The following ZMYND11 variants were observed in gnomAD, a reference collection of about 807,000 sequenced individuals.
ZMYND11 encodes zinc finger MYND-type containing 11.
ZMYND11 carries 9 observed loss-of-function variants against 84.9 expected under a neutral mutation model. That is an observed-to-expected ratio of 0.11 (90% confidence interval 0.06 to 0.18). The LOEUF (loss-of-function observed/expected upper bound fraction) is 0.18. Among genes scored for constraint, ZMYND11 ranks in the 10% least tolerant of loss-of-function variants. ZMYND11 has a pLI of 1.00. For synonymous variants in ZMYND11, 250 were observed against 244.1 expected (o/e 1.02, Z -0.23); for missense variants, 409 against 761.0 (o/e 0.54, Z 5.44).
At chr10:137,584 TATC>T (rs1306841183) in intron 1 of ZMYND11, among the ~76,000 whole-genome samples, 1 of 152,208 alleles carries the variant, frequency 6.6e-6, no homozygotes, top group Non-Finnish European at 1.5e-5. Context: ...GGTTGGATGT[TATC>T]AGGGAGATAG....
intron 10 of ZMYND11, among the ~76,000 whole-genome samples, chr10:245,022 T>C (rs2131880720): frequency 6.6e-6 from 1 of 152,342 alleles, no homozygotes. Flanking sequence ...GAATTCCTAC[T>C]ACATAATAGG....
intron 3 of ZMYND11, among the ~76,000 whole-genome samples, chr10:217,690 C>G (rs1946423635): frequency 6.6e-6 from 1 of 152,104 alleles, no homozygotes; most frequent in South Asian, 2.1e-4. Flanking sequence ...TGGGTGCTCA[C>G]ATTGTGCCAG....
At chr10:165,516 T>C (rs1843796010) in intron 1 of ZMYND11, among the ~76,000 whole-genome samples, 1 of 152,158 alleles carries the variant, frequency 6.6e-6, no homozygotes, top group Admixed American at 6.6e-5. Flanking sequence ...GAACTTAGTC[T>C]GTCTGAAACC....
At chr10:192,740 C>T (rs1940777217) in intron 2 of ZMYND11, among the ~76,000 whole-genome samples, 1 of 152,160 alleles carries the variant, frequency 6.6e-6, no homozygotes, top group Non-Finnish European at 1.5e-5. Flanking sequence ...TGTTCAGTTG[C>T]CCACATTTTG....
At chr10:221,495 T>TA in intron 4 of ZMYND11, 139 bp downstream of exon 4, 1 of 791,736 alleles carries the variant, frequency 1.3e-6, no homozygotes, top group Non-Finnish European at 2.0e-6. Context: ...GAAATGATGA[T>TA]ACTCATAAAT....
chr10:186,111 A>G (rs1362758537), intron 2 of ZMYND11, among the ~76,000 whole-genome samples: 2 of 150,492 alleles, frequency 1.3e-5, no homozygotes, highest in South Asian at 4.2e-4. Flanking sequence ...CCGGGTTCAC[A>G]CCATTCTCCT....
intron 4 of ZMYND11, among the ~76,000 whole-genome samples, chr10:221,800 C>T (rs1004352203): frequency 6.6e-6 from 1 of 151,806 alleles, no homozygotes; most frequent in African/African-American, 2.4e-5. Context: ...TTATTTTTGT[C>T]ATATCATGAG....
At position 158,357 on chromosome 10, in the gene ZMYND11, C is replaced by T. The variant is rs369228256; in HGVS notation, c.-19-21637C>T. Among the ~76,000 whole-genome samples, 35 of 151,940 alleles carry T rather than the reference C, an allele frequency of 2.3e-4. No homozygotes were observed. In the South Asian group the frequency reaches 3.1e-3, roughly 14 times the overall value. On this transcript the variant is annotated intron_variant, in intron 1 of 14. Transcript: ENST00000381604. ...TACCACCAGCAATGTATGAAAACACCGGTTTCTATTATTGTACCAGTTTCT... is the reference window on the plus strand; with the variant it reads ...TACCACCAGCAATGTATGAAAACACTGGTTTCTATTATTGTACCAGTTTCT...
intron 1 of ZMYND11, among the ~76,000 whole-genome samples, chr10:176,326 A>G (rs1212912258): frequency 6.6e-6 from 1 of 152,032 alleles, no homozygotes; most frequent in Non-Finnish European, 1.5e-5. Flanking sequence ...TACTTTTACC[A>G]AAAGGAGCCT....
intron 1 of ZMYND11, among the ~76,000 whole-genome samples, chr10:149,640 T>G (rs1406985288): frequency 6.6e-6 from 1 of 152,194 alleles, no homozygotes; most frequent in African/African-American, 2.4e-5. Flanking sequence ...ACTTAATACA[T>G]GTACTGTTAA....
chr10:187,706 A>T (rs1246463181), intron 2 of ZMYND11, among the ~76,000 whole-genome samples: 2 of 152,164 alleles, frequency 1.3e-5, no homozygotes, highest in African/African-American at 4.8e-5. Flanking sequence ...GGAAAATATT[A>T]AAAGGGTCAG....
intron 1 of ZMYND11, among the ~76,000 whole-genome samples, chr10:153,854 T>C (rs1213400027): frequency 1.3e-5 from 2 of 152,242 alleles, no homozygotes; most frequent in Non-Finnish European, 2.9e-5. Context: ...GTGTAACCTT[T>C]AGCAAATATT....
intron 1 of ZMYND11, among the ~76,000 whole-genome samples, chr10:171,654 CAGA>C (rs1425512067): frequency 2.0e-5 from 3 of 152,106 alleles, no homozygotes; most frequent in African/African-American, 7.2e-5. Flanking sequence ...CCAACAGATA[CAGA>C]AGGAGAATTT....
rs374653564 is a variant in ZMYND11, at chr10:138,199, T to A, written c.-20+2640T>A. On this transcript the variant is annotated intron_variant, in intron 1 of 14. Coordinates refer to ENST00000381604, the MANE Select transcript of ZMYND11 (RefSeq NM_001370100.5). ...ATCTCGGCTTACTGCAACCCCTGCC[T>A]CCCAGGCTTAAGCGATTCTCATGCC... is the stretch of plus-strand genomic sequence containing the variant. 1.4e-4 allele frequency among the ~76,000 whole-genome samples: 20 copies of A among 138,190 alleles called. No individual in the cohort carries two copies. In the East Asian group the frequency reaches 4.4e-3, roughly 30 times the overall value. The allele number at this position is 138,190 out of a possible 152,430, so 90.7% of individuals were successfully genotyped here.
At chr10:248,205 T>C (rs3132006) in intron 12 of ZMYND11, 131 bp from the exon 13 acceptor site, 1,155,713 of 1,194,052 alleles carry the variant, frequency 0.97, 559,964 homozygotes, top group Non-Finnish European at 0.98. Context: ...CCACCCTAAC[T>C]ACATTTTTCA....
At chr10:152,572 G>A (rs1265392923) in intron 1 of ZMYND11, among the ~76,000 whole-genome samples, 1 of 152,144 alleles carries the variant, frequency 6.6e-6, no homozygotes, top group African/African-American at 2.4e-5. Context: ...CAAGTCCTTA[G>A]AGACCTACAA....
At chr10:132,582 A>G (rs1284769930), upstream of ZMYND11, among the ~76,000 whole-genome samples, 2 of 152,238 alleles carry the variant, frequency 1.3e-5, no homozygotes, top group East Asian at 3.8e-4. Flanking sequence ...AGCCATCTGC[A>G]GCAGTCCACA....
chr10:142,739 C>A (rs1837779835), intron 1 of ZMYND11, among the ~76,000 whole-genome samples: 1 of 152,214 alleles, frequency 6.6e-6, no homozygotes, highest in Non-Finnish European at 1.5e-5. Context: ...TATGCCCACT[C>A]TGCTTATAAA....
At chr10:235,166 A>G (rs1369168055) in intron 4 of ZMYND11, among the ~76,000 whole-genome samples, 3 of 152,340 alleles carry the variant, frequency 2.0e-5, no homozygotes, top group South Asian at 4.1e-4. Context: ...AAATTTTTAC[A>G]AAGTTTTTTA....
Sources: gnomAD v4.1 joint callset for allele counts (sites outside exome capture counted in the v4.1 genomes callset) on GRCh38, gnomAD v4.1.1 for gene constraint, MANE v1.5 for transcripts, NCBI Gene and HGNC (gene_info 2026-07-23, HGNC 2026-07-21) for gene names.